The following CCDC7 variants were observed in gnomAD, a reference collection of about 807,000 sequenced individuals.
CCDC7 encodes coiled-coil domain-containing protein 7.
CCDC7 carries 183 observed loss-of-function variants against 196.9 expected under a neutral mutation model. The ratio of observed to expected loss-of-function variants is 0.93; its 90% CI spans 0.82 to 1.05. The LOEUF (loss-of-function observed/expected upper bound fraction) is 1.05, where lower values mean the gene tolerates loss of function less well. Among genes scored for constraint, CCDC7 ranks in the 50% least tolerant of loss-of-function variants. The pLI, the probability that CCDC7 is intolerant of heterozygous loss-of-function variation, is 0.00. For missense variants in CCDC7, 1,540 were observed against 1,482.2 expected (o/e 1.04, Z -0.64); for synonymous variants, 525 against 484.6 (o/e 1.08, Z -1.10).
intron 16 of CCDC7, 143 bp from the exon 18 acceptor site, chr10:32,582,891 C>A: frequency 2.2e-6 from 1 of 462,670 alleles, no homozygotes; most frequent in East Asian, 3.7e-5. Flanking sequence ...TACCTAGCAT[C>A]AATTTCATAT....
chr10:32,711,502 A>G (rs2080833546), intron 24 of CCDC7, 118 bp from the exon 26 acceptor site: 2 of 613,838 alleles, frequency 3.3e-6, no homozygotes, highest in Non-Finnish European at 5.7e-6. Context: ...AAGGTAGTTT[A>G]CTTATAACTT....
At chr10:32,589,008 A>G (rs1161825421) in intron 18 of CCDC7, among the ~76,000 whole-genome samples, 1 of 152,140 alleles carries the variant, frequency 6.6e-6, no homozygotes, top group African/African-American at 2.4e-5. Context: ...TTATGTTACA[A>G]ATAATCCAAT....
chr10:32,846,097 T>C, intron 36 of CCDC7, 138 bp downstream of exon 37: 1 of 766,500 alleles, frequency 1.3e-6, no homozygotes, highest in Admixed American at 2.3e-5. Flanking sequence ...GGAAGACATA[T>C]AATAAAGGGA....
At chr10:32,767,466 T>C (rs1330211564) in intron 28 of CCDC7, among the ~76,000 whole-genome samples, 1 of 152,112 alleles carries the variant, frequency 6.6e-6, no homozygotes, top group Non-Finnish European at 1.5e-5. Context: ...AAAACCAAAA[T>C]AGAACAAGTA....
At chr10:32,542,146 T>A (rs1181541054) in intron 11 of CCDC7, among the ~76,000 whole-genome samples, 1 of 152,196 alleles carries the variant, frequency 6.6e-6, no homozygotes, top group Non-Finnish European at 1.5e-5. Context: ...ATAATCTAAT[T>A]GTTAATTTTT....
At position 32,712,595 on chromosome 10, in the gene CCDC7, C is replaced by T. The variant is rs1565252219; in HGVS notation, c.2569+865C>T. Among the ~76,000 whole-genome samples the T allele has an allele frequency of 1.3e-5, 2 of 152,198 alleles. 1 individual carries two copies. Among genetic ancestry groups the T allele is most frequent in the Non-Finnish European group, 2.9e-5 (2 of 68,040 alleles). On this transcript the variant is annotated intron_variant, in intron 25 of 41. Transcript: ENST00000639629. ...AACTTTGTCCAGGTCATAACCTATGCATTGATACAGATAGTTGGGGAATTT... is the reference window on the plus strand; with the variant it reads ...AACTTTGTCCAGGTCATAACCTATGTATTGATACAGATAGTTGGGGAATTT...
At chr10:32,717,981 T>A (rs1290991517) in intron 25 of CCDC7, among the ~76,000 whole-genome samples, 2 of 151,828 alleles carry the variant, frequency 1.3e-5, no homozygotes, top group Non-Finnish European at 2.9e-5. Flanking sequence ...CCATTTCTTC[T>A]GAAACTATTC....
chr10:32,692,238 T>G (rs1207409738), intron 23 of CCDC7, among the ~76,000 whole-genome samples: 1 of 152,150 alleles, frequency 6.6e-6, no homozygotes, highest in Non-Finnish European at 1.5e-5. Context: ...AGTCTCCAAC[T>G]TTTTTGAGCC....
At chr10:32,491,964 A>G (rs771712874) in exon 9 of CCDC7, 1 of 1,581,158 alleles carries the variant, frequency 6.3e-7, no homozygotes, top group South Asian at 1.2e-5. Context: ...GCCATGTTGA[A>G]AGTATTTGAA....
At chr10:32,733,106 AAT>A (rs1455517486) in intron 28 of CCDC7, among the ~76,000 whole-genome samples, 2 of 151,966 alleles carry the variant, frequency 1.3e-5, no homozygotes, top group East Asian at 1.9e-4. Flanking sequence ...GTTTATTTTT[AAT>A]ATGTTTTTAT....
chr10:32,643,855 AT>A (rs2067273009), intron 20 of CCDC7, among the ~76,000 whole-genome samples: 2 of 133,484 alleles, frequency 1.5e-5, no homozygotes, highest in African/African-American at 8.0e-5. Context: ...AATTTTCAAA[AT>A]TATTTTGAAA....
chr10:32,653,153 TA>T (rs1249586754), intron 20 of CCDC7, among the ~76,000 whole-genome samples: 4 of 152,158 alleles, frequency 2.6e-5, no homozygotes, highest in South Asian at 2.1e-4. Context: ...AAATTATTAT[TA>T]TTTTTTATAT....
chr10:32,505,993 G>C (rs1440943539), intron 9 of CCDC7, among the ~76,000 whole-genome samples: 1 of 149,190 alleles, frequency 6.7e-6, no homozygotes, highest in Non-Finnish European at 1.5e-5. Flanking sequence ...TCCCAGACGG[G>C]GTGGCCAGGC....
intron 29 of CCDC7, among the ~76,000 whole-genome samples, chr10:32,786,885 A>G (rs564260362): frequency 7.2e-5 from 11 of 152,362 alleles, no homozygotes; most frequent in African/African-American, 2.4e-4. Flanking sequence ...TAAAGATGAT[A>G]AAAAATAAAC....
chr10:32,701,091 T>C (rs547756191), intron 24 of CCDC7, among the ~76,000 whole-genome samples: 1 of 152,196 alleles, frequency 6.6e-6, no homozygotes, highest in East Asian at 1.9e-4. Context: ...TCCAACACTA[T>C]GTTGGATAGG....
intron 8 of CCDC7, among the ~76,000 whole-genome samples, chr10:32,490,347 C>A (rs892888192): frequency 6.6e-6 from 1 of 151,946 alleles, no homozygotes; most frequent in Non-Finnish European, 1.5e-5. Context: ...CTTTTTTTCC[C>A]CCAGGAATGT....
intron 20 of CCDC7, among the ~76,000 whole-genome samples, chr10:32,653,133 CT>C (rs1428801122): frequency 4.6e-5 from 7 of 152,182 alleles, no homozygotes; most frequent in South Asian, 2.1e-4. Flanking sequence ...TTACTTCCCC[CT>C]AACCTGTAAA....
chr10:32,698,321 G>T (rs2078065366), intron 24 of CCDC7, among the ~76,000 whole-genome samples: 1 of 152,144 alleles, frequency 6.6e-6, no homozygotes, highest in Non-Finnish European at 1.5e-5. Context: ...GTCCTTGCCA[G>T]CATCAGAAGA....
chr10:32,689,046 T>C lies in CCDC7; in HGVS notation c.2234-7T>C. On this transcript the variant is annotated splice_region_variant and splice_polypyrimidine_tract_variant and intron_variant, in intron 22 of 41. Transcript: ENST00000639629. Reference sequence around the variant, plus strand: ...ATTTAGCGGACTAAACACATCTTTTTCTGTAGCTCCTGATAAAGAACCAAA... The same window carrying C: ...ATTTAGCGGACTAAACACATCTTTTCCTGTAGCTCCTGATAAAGAACCAAA... 1 of 1,527,550 alleles carries C rather than the reference T, an allele frequency of 6.5e-7. No homozygotes were observed. The highest frequency in any genetic ancestry group is 9.0e-7 in the Non-Finnish European group (1 of 1,105,840). 94.6% of individuals were successfully genotyped at this position (1,527,550 alleles called of 1,614,324 possible).
Sources: allele counts gnomAD v4.1 joint callset (sites outside exome capture counted in the v4.1 genomes callset), GRCh38; gene constraint gnomAD v4.1.1; transcripts MANE v1.5; gene names NCBI Gene and HGNC (gene_info 2026-07-23, HGNC 2026-07-21).